The following NXPH1 variants were observed in gnomAD, a reference collection of about 807,000 sequenced individuals.
NXPH1 encodes neurexophilin 1.
In NXPH1, 5 loss-of-function variants were observed where a neutral mutation model predicts 23.7. The ratio of observed to expected loss-of-function variants is 0.21; its 90% CI spans 0.11 to 0.44. The LOEUF is 0.44. NXPH1 is among the 20% of genes least tolerant of loss of function. The probability of loss-of-function intolerance (pLI) is 0.99; values close to 1 mark genes in which losing one functional copy is unlikely to be tolerated. For synonymous variants in NXPH1, 144 were observed against 122.2 expected (o/e 1.18, Z -1.18); for missense variants, 324 against 321.6 (o/e 1.01, Z -0.06).
intron 2 of NXPH1, among the ~76,000 whole-genome samples, chr7:8,639,416 T>G (rs1004970341): frequency 3.4e-4 from 52 of 152,310 alleles, no homozygotes; most frequent in African/African-American, 1.2e-3. Flanking sequence ...ACAGCCACAT[T>G]GTCCTCTAAA....
intron 2 of NXPH1, among the ~76,000 whole-genome samples, chr7:8,541,023 T>C (rs1451523728): frequency 6.6e-6 from 1 of 151,710 alleles, no homozygotes; most frequent in African/African-American, 2.4e-5. Context: ...ATCTACAATG[T>C]CTGGCATTTA....
At chr7:8,493,597 C>A (rs1331857143) in intron 2 of NXPH1, among the ~76,000 whole-genome samples, 1 of 152,042 alleles carries the variant, frequency 6.6e-6, no homozygotes, top group Non-Finnish European at 1.5e-5. Context: ...AATATATTTT[C>A]TCTCCTTGAC....
chr7:8,471,441 A>T (rs950920723), intron 2 of NXPH1, among the ~76,000 whole-genome samples: 1 of 152,178 alleles, frequency 6.6e-6, no homozygotes, highest in Non-Finnish European at 1.5e-5. Context: ...GTTAAGGATG[A>T]GTATTAAAAA....
intron 2 of NXPH1, among the ~76,000 whole-genome samples, chr7:8,608,590 G>T (rs1248326237): frequency 1.3e-5 from 2 of 152,090 alleles, no homozygotes; most frequent in African/African-American, 4.8e-5. Flanking sequence ...AAATTTGAGG[G>T]AAGTGAAATG....
In NXPH1 at chr7:8,702,757, G is replaced by C. The variant is rs147558405; in HGVS notation, c.55-48251G>C. Among the ~76,000 whole-genome samples the C allele has an allele frequency of 2.0e-3, 302 of 152,206 alleles. 2 individuals carry two copies. In the Middle Eastern group the frequency reaches 0.02, roughly 10 times the overall value. On this transcript the variant is annotated intron_variant, in intron 2 of 2. Transcript: ENST00000405863. ...TGGTACTGTTACAGAGATTTTTCAA[G>C]TGAAATGGATGCTCAGGAAAATGAA...
At chr7:8,496,181 A>G (rs971281460) in intron 2 of NXPH1, among the ~76,000 whole-genome samples, 2 of 152,024 alleles carry the variant, frequency 1.3e-5, no homozygotes, top group African/African-American at 2.4e-5. Flanking sequence ...GATTATTACA[A>G]TAGTACCATT....
intron 2 of NXPH1, among the ~76,000 whole-genome samples, chr7:8,726,618 G>C (rs1291054901): frequency 8.7e-5 from 13 of 149,780 alleles, no homozygotes; most frequent in Admixed American, 4.6e-4. Context: ...AGTTTACTGA[G>C]AATGATGATT....
intron 2 of NXPH1, among the ~76,000 whole-genome samples, chr7:8,651,014 C>T (rs1820482725): frequency 1.3e-5 from 2 of 151,286 alleles, no homozygotes; most frequent in East Asian, 2.0e-4. Flanking sequence ...GGTACATGTG[C>T]ACAATGTGCA....
At chr7:8,536,899 T>C (rs770940638) in intron 2 of NXPH1, among the ~76,000 whole-genome samples, 1 of 151,888 alleles carries the variant, frequency 6.6e-6, no homozygotes, top group Non-Finnish European at 1.5e-5. Flanking sequence ...TCCAGATAAA[T>C]GGTGGTGCCA....
At chr7:8,666,696 A>G (rs116159583) in intron 2 of NXPH1, among the ~76,000 whole-genome samples, 115 of 152,088 alleles carry the variant, frequency 7.6e-4, no homozygotes, top group African/African-American at 2.6e-3. Context: ...TTGCTTATGT[A>G]ATTTCCTTAC....
intron 2 of NXPH1, among the ~76,000 whole-genome samples, chr7:8,541,385 A>G (rs191730184): frequency 1.2e-3 from 183 of 151,802 alleles, no homozygotes; most frequent in African/African-American, 4.2e-3. Flanking sequence ...AAGGTCACTG[A>G]AGGAAAGGGA....
chr7:8,462,128 A>T lies in NXPH1; in HGVS notation c.54+26361A>T, dbSNP rs137891265. 2.1e-3 allele frequency among the ~76,000 whole-genome samples: 324 copies of T among 152,200 alleles called. 1 individual carries two copies. The highest frequency in any genetic ancestry group is 6.6e-3 in the African/African-American group (272 of 41,524). On this transcript the variant is annotated intron_variant, in intron 2 of 2. Coordinates refer to ENST00000405863, the MANE Select transcript of NXPH1 (RefSeq NM_152745.3). ...CAGTGGCGTGATCTCGGCTCACAGC[A>T]ACCCCTGCCTCATGGGTTCAAGTGA... is the stretch of plus-strand genomic sequence containing the variant.
At chr7:8,438,288 T>C (rs1816230721) in intron 2 of NXPH1, among the ~76,000 whole-genome samples, 1 of 152,236 alleles carries the variant, frequency 6.6e-6, no homozygotes, top group South Asian at 2.1e-4. Context: ...GATTGATCAT[T>C]TGTTTGTAGC....
intron 2 of NXPH1, among the ~76,000 whole-genome samples, chr7:8,495,427 C>T (rs894596598): frequency 1.3e-5 from 2 of 151,884 alleles, no homozygotes; most frequent in African/African-American, 4.8e-5. Context: ...CAACCGAACA[C>T]CATGTTAGGT....
intron 2 of NXPH1, among the ~76,000 whole-genome samples, chr7:8,747,782 C>G (rs992198606): frequency 1.3e-5 from 2 of 152,258 alleles, no homozygotes; most frequent in East Asian, 1.9e-4. Context: ...CACACACACA[C>G]AGTCTCCCAA....
Position 8,559,511 on chromosome 7 carries a change from C to T in NXPH1, c.54+123744C>T, listed in dbSNP as rs145888112. ...TCTTTTGGTTCCTATTTTCTCCCTA[C>T]TTTCTTAAGACACAGTAATTAATTT... is the stretch of plus-strand genomic sequence containing the variant. On this transcript the variant is annotated intron_variant, in intron 2 of 2. Transcript: ENST00000405863. 4.3e-3 allele frequency among the ~76,000 whole-genome samples: 650 copies of T among 151,780 alleles called. 2 individuals carry two copies. Among genetic ancestry groups the T allele is most frequent in the African/African-American group, 0.015 (611 of 41,466 alleles).
chr7:8,470,818 T>A (rs1816860875), intron 2 of NXPH1, among the ~76,000 whole-genome samples: 1 of 152,166 alleles, frequency 6.6e-6, no homozygotes, highest in African/African-American at 2.4e-5. Flanking sequence ...AGGCTGGCAA[T>A]TGTGAACAGT....
At chr7:8,522,603 G>C (rs1431667526) in intron 2 of NXPH1, among the ~76,000 whole-genome samples, 1 of 152,082 alleles carries the variant, frequency 6.6e-6, no homozygotes, top group East Asian at 1.9e-4. Flanking sequence ...TAAAATTCAA[G>C]TCCTCATTTT....
chr7:8,515,654 T>C (rs918353332), intron 2 of NXPH1, among the ~76,000 whole-genome samples: 1 of 152,134 alleles, frequency 6.6e-6, no homozygotes, highest in Non-Finnish European at 1.5e-5. Context: ...TTTACCATGG[T>C]GTTCTAAAGG....
Sources: allele counts gnomAD v4.1 joint callset (sites outside exome capture counted in the v4.1 genomes callset), GRCh38; gene constraint gnomAD v4.1.1; transcripts MANE v1.5; gene names NCBI Gene and HGNC (gene_info 2026-07-23, HGNC 2026-07-21).